Variants in MUC12 observed in about 807,000 individuals in gnomAD.
MUC12 encodes mucin-12.
In MUC12, 172 loss-of-function variants were observed where a neutral mutation model predicts 230.8. The observed-to-expected ratio is 0.75, with a 90% CI of 0.66 to 0.85. The LOEUF (loss-of-function observed/expected upper bound fraction) is 0.85, where lower values mean the gene tolerates loss of function less well. Among genes scored for constraint, MUC12 ranks in the 40% least tolerant of loss-of-function variants. The pLI is 0.00. For synonymous variants in MUC12, 1,259 were observed against 2,401.9 expected, an observed-to-expected ratio of 0.52 and a Z score of 13.91; for missense variants, 3,506 against 5,920.6, an observed-to-expected ratio of 0.59 and a Z score of 13.38.
intron 1 of MUC12, among the ~76,000 whole-genome samples, chr7:100,987,358 C>A (rs879580680): frequency 2.0e-5 from 3 of 152,160 alleles, no homozygotes; most frequent in Admixed American, 2.0e-4. Context: ...TGAGTCACTG[C>A]ACCCAGCCTA....
rs760435175 is a variant in MUC12, at chr7:100,992,178, A to T, written c.1615A>T (p.Ser539Cys). ...GSTHTTAFPG[S>C]TTMPGLSQES... ...AACACACACAACAGCATTCCCTGGC[A>T]GTACCACCATGCCAGGCCTCAGTCA... The change falls in exon 2 of 12, where the codon AGT (serine) becomes TGT (cysteine). Residue 539 changes from serine to cysteine, a missense_variant. Transcript: ENST00000536621. 1.3e-6 allele frequency: 2 copies of T among 1,537,936 alleles called. No individual in the cohort carries two copies.
At chr7:101,017,414 C>T in intron 10 of MUC12, 161 bp from the exon 11 acceptor site, 2 of 596,056 alleles carry the variant, frequency 3.4e-6, no homozygotes, top group East Asian at 2.9e-5. Flanking sequence ...TCTGCACTTA[C>T]CCGCAGCCCA....
At chr7:101,006,056 C>T (rs1393174238) in intron 2 of MUC12, among the ~76,000 whole-genome samples, 1 of 152,128 alleles carries the variant, frequency 6.6e-6, no homozygotes, top group Non-Finnish European at 1.5e-5. Context: ...CCTCAGCCTC[C>T]CAAAGTGCTG....
At position 101,004,453 on chromosome 7, in the gene MUC12, A is replaced by G. The variant is rs1793694329; in HGVS notation, c.13890A>G (p.Ser4630=). The change falls in exon 2 of 12, where the codon TCA becomes TCG. Residue 4630 remains serine, a synonymous_variant. Transcript: ENST00000536621. ...SSTASGRSEE[S]RTSHSSTTHT... ...CAGCTTCAGGTCGTAGTGAAGAATCAAGAACTTCCCACAGCAGCACAACAC... is the reference window on the plus strand; with the variant it reads ...CAGCTTCAGGTCGTAGTGAAGAATCGAGAACTTCCCACAGCAGCACAACAC... The G allele has an allele frequency of 6.6e-7, 1 of 1,525,566 alleles. No homozygotes were observed. The highest frequency in any genetic ancestry group is 8.7e-7 in the Non-Finnish European group (1 of 1,143,818). The allele number at this position is 1,525,566 out of a possible 1,614,324, so 94.5% of individuals were successfully genotyped here. A position where few individuals can be genotyped will look rare whatever the true frequency, so the allele number is the denominator to read the frequency against.
In MUC12 at chr7:101,004,514, C is replaced by G. The variant is rs893467276; in HGVS notation, c.13951C>G (p.Leu4651Val). The change falls in exon 2 of 12, where the codon CTT (leucine) becomes GTT (valine). Residue 4651 changes from leucine to valine, a missense_variant. Coordinates refer to ENST00000536621, the MANE Select transcript of MUC12 (RefSeq NM_001164462.2). Reference protein sequence around the residue: ...ISSPPSTTSALVEEPTSYHSS... With the variant: ...ISSPPSTTSAVVEEPTSYHSS... ...TTCACCTCCTAGCACCACATCTGCC[C>G]TTGTTGAAGAACCTACCAGCTACCA... 2 of 1,535,460 alleles carry G rather than the reference C, an allele frequency of 1.3e-6. No individual in the cohort carries two copies. Among genetic ancestry groups the G allele is most frequent in the Non-Finnish European group, 1.7e-6 (2 of 1,146,386 alleles).
chr7:101,012,266 G>A, intron 5 of MUC12, 30 bp from the exon 6 acceptor site: 1 of 1,535,444 alleles, frequency 6.5e-7, no homozygotes, highest in South Asian at 1.2e-5. Context: ...TGGTGACATG[G>A]GTAACTGATG....
chr7:100,995,784 T>C lies in MUC12; in HGVS notation c.5221T>C (p.Ser1741Pro). 2 of 1,519,318 alleles carry C rather than the reference T, an allele frequency of 1.3e-6. No homozygotes were observed. The highest frequency in any genetic ancestry group is 2.5e-5 in the East Asian group (1 of 40,474). 94.1% of individuals were successfully genotyped at this position (1,519,318 alleles called of 1,614,324 possible). Reference protein sequence around the residue: ...SSTTLGRSEESTTVHSSPVAT... With the variant: ...SSTTLGRSEEPTTVHSSPVAT... Reference sequence around the variant, plus strand: ...CACAACCTTGGGCCGTAGTGAGGAATCGACAACAGTCCACAGCAGCCCAGT... The same window carrying C: ...CACAACCTTGGGCCGTAGTGAGGAACCGACAACAGTCCACAGCAGCCCAGT... The change falls in exon 2 of 12, where the codon TCG (serine) becomes CCG (proline). Residue 1741 changes from serine to proline, a missense_variant. By Grantham distance (74) the Ser-to-Pro change is moderately conservative. Transcript: ENST00000536621.
At position 101,004,551 on chromosome 7, in the gene MUC12, GC is replaced by G; in HGVS notation, c.13989del (p.Ser4664GlnfsTer62). On this transcript the variant is annotated frameshift_variant, in exon 2 of 12. Transcript: ENST00000536621. LOFTEE classifies it high-confidence loss of function. The part of the protein sequence containing the change: ...EEPTSYHSSP[G>X]SIATTHFPES... ...CCTACCAGCTACCACAGCAGCCCGG[GC>G]TCAATTGCAACAACACACTTTCCTG... is the stretch of plus-strand genomic sequence containing the variant. 1 of 1,536,794 alleles carries G rather than the reference GC, an allele frequency of 6.5e-7. No individual in the cohort carries two copies. Among genetic ancestry groups the G allele is most frequent in the Non-Finnish European group, 8.7e-7 (1 of 1,146,786 alleles).
rs189886544 is a variant in MUC12, at chr7:101,006,472, G to A, written c.14958G>A (p.Gly4986=). 1 of 1,536,774 alleles carries A rather than the reference G, an allele frequency of 6.5e-7. No homozygotes were observed. The change falls in exon 3 of 12, where the codon GGG becomes GGA. Residue 4986 remains glycine, a splice_region_variant and synonymous_variant. Transcript: ENST00000536621. ...GCTGTGGATTCTATCTCTCCACAGG[G>A]TTGTGCCAGGAAGGACAAATTTGGA... ...STESLETLAP[G]LCQEGQIWNG... is the part of the protein sequence containing the mutation.
chr7:100,969,703 G>A lies in MUC12; in HGVS notation c.67+14G>A, dbSNP rs1792807459. On this transcript the variant is annotated intron_variant, in intron 1 of 11. Coordinates refer to ENST00000536621, the MANE Select transcript of MUC12 (RefSeq NM_001164462.2). ...CAGTGACACCAGGTGAGTGCTCCTG[G>A]GCTGATGCTCCAGGTCCAGTGCTCC... The A allele has an allele frequency of 6.5e-7, 1 of 1,537,378 alleles. No individual in the cohort carries two copies.
Position 100,995,330 on chromosome 7 carries a change from A to G in MUC12, c.4767A>G (p.Thr1589=), listed in dbSNP as rs200598041. The G allele has an allele frequency of 0.12, 172,760 of 1,475,324 alleles. 12,950 individuals are homozygous for G. Among genetic ancestry groups the G allele is most frequent in the African/African-American group, 0.16 (10,939 of 67,672 alleles). The allele number at this position is 1,475,324 out of a possible 1,614,324, so 91.4% of individuals were successfully genotyped here. ...GCCGACCAGGCTCAACGCACACAAC[A>G]GCATTCCCTGGCAGTACCACCATGC... ...SHSRPGSTHT[T]AFPGSTTMPG... Residue 1589 remains threonine, a synonymous_variant, in exon 2 of 12, where the codon ACA becomes ACG. Coordinates refer to ENST00000536621, the MANE Select transcript of MUC12 (RefSeq NM_001164462.2).
chr7:101,018,242 T>C (rs1584850873), intron 11 of MUC12, among the ~76,000 whole-genome samples: 1 of 68,976 alleles, frequency 1.4e-5, no homozygotes, highest in Admixed American at 1.5e-4. Flanking sequence ...ACTCCCTCCC[T>C]TCCCCCGGGA....
chr7:101,012,588 TC>T, intron 6 of MUC12, 141 bp downstream of exon 6: 3 of 1,068,656 alleles, frequency 2.8e-6, no homozygotes, highest in Non-Finnish European at 4.0e-6. Context: ...CAGGGTGCCT[TC>T]CCCAGATCCC....
intron 1 of MUC12, among the ~76,000 whole-genome samples, chr7:100,986,941 A>G (rs1173952785): frequency 7.9e-5 from 12 of 152,172 alleles, no homozygotes; most frequent in Non-Finnish European, 1.5e-5. Flanking sequence ...CAGGATGAAG[A>G]AAGCCAGGGA....
chr7:100,977,965 T>C (rs1793057592), intron 1 of MUC12, among the ~76,000 whole-genome samples: 1 of 152,136 alleles, frequency 6.6e-6, no homozygotes, highest in Admixed American at 6.6e-5. Context: ...TTCCTGTACG[T>C]CACACCTCTC....
At chr7:100,977,050 CAAAAAAAAAAAAAA>C (rs1157648244) in intron 1 of MUC12, among the ~76,000 whole-genome samples, 15 of 62,430 alleles carry the variant, frequency 2.4e-4, no homozygotes, top group Middle Eastern at 0.013. Context: ...GACTCCATCT[CAAAAAAAAAAAAAA>C]AAAAAAAAAA....
Position 101,004,759 on chromosome 7 carries a change from AGG to A in MUC12, c.14197_14198del (p.Gly4733ProfsTer11), listed in dbSNP as rs1793706980. The A allele has an allele frequency of 1.8e-5, 28 of 1,537,208 alleles. No homozygotes were observed. Among genetic ancestry groups the A allele is most frequent in the Non-Finnish European group, 2.3e-5 (26 of 1,146,672 alleles). On this transcript the variant is annotated frameshift_variant, in exon 2 of 12. Coordinates refer to ENST00000536621, the MANE Select transcript of MUC12 (RefSeq NM_001164462.2). LOFTEE classifies it high-confidence loss of function. ...TTLASTATTP[G>X]LSAKSTILYS... is the part of the protein sequence containing the mutation. ...CATTAGCCAGCACTGCCACAACACC[AGG>A]CCTCAGTGCAAAATCTACCATCCTT...
chr7:101,015,045 C>T (rs1483912717), intron 9 of MUC12, among the ~76,000 whole-genome samples: 2 of 152,172 alleles, frequency 1.3e-5, no homozygotes, highest in Non-Finnish European at 2.9e-5. Context: ...TCTTCAAGGT[C>T]CTACCTCTCA....
At position 100,992,073 on chromosome 7, in the gene MUC12, G is replaced by A. The variant is rs1340973332; in HGVS notation, c.1510G>A (p.Asp504Asn). 5.9e-6 allele frequency: 9 copies of A among 1,537,190 alleles called. No individual in the cohort carries two copies. In the Admixed American group the frequency reaches 1.2e-4, roughly 20 times the overall value. The change falls in exon 2 of 12, where the codon GAC becomes AAC. Residue 504 changes from aspartate to asparagine, a missense_variant. Physicochemically the swap from Asp to Asn is conservative, Grantham distance 23. Transcript: ENST00000536621. ...TTTCTACAGTAGCCCCAGATCACCA[G>A]ACACAACACACTTACCTGCCAGCAT... is the stretch of plus-strand genomic sequence containing the variant. ...TTFYSSPRSP[D>N]TTHLPASMTS...
Sources: gnomAD v4.1 joint callset for allele counts (sites outside exome capture counted in the v4.1 genomes callset) on GRCh38, gnomAD v4.1.1 for gene constraint, MANE v1.5 for transcripts, NCBI Gene and HGNC (gene_info 2026-07-23, HGNC 2026-07-21) for gene names.